Variants in TCF20 observed in about 807,000 individuals in gnomAD.
The protein encoded by TCF20 is SPRE-binding protein.
In TCF20, 3 loss-of-function variants were observed where a neutral mutation model predicts 148.6. The observed-to-expected ratio is 0.02, with a 90% CI of 0.01 to 0.05. TCF20 has a LOEUF of 0.05. Among genes scored for constraint, TCF20 ranks in the 10% least tolerant of loss-of-function variants. The probability of loss-of-function intolerance (pLI) is 1.00; values close to 1 mark genes in which losing one functional copy is unlikely to be tolerated. For synonymous variants in TCF20, 1,049 were observed against 909.5 expected, an observed-to-expected ratio of 1.15 and a Z score of -2.76; for missense variants, 2,350 against 2,429.3, an observed-to-expected ratio of 0.97 and a Z score of 0.69.
chr22:42,190,171 G>C (rs759217785), intron 2 of TCF20, among the ~76,000 whole-genome samples: 22 of 152,160 alleles, frequency 1.4e-4, no homozygotes, highest in Admixed American at 4.6e-4. Context: ...AAAATAACCT[G>C]AACAGGGCCA....
At chr22:42,189,051 G>C (rs1937197028) in intron 2 of TCF20, among the ~76,000 whole-genome samples, 1 of 152,154 alleles carries the variant, frequency 6.6e-6, no homozygotes, top group Non-Finnish European at 1.5e-5. Flanking sequence ...GGACAAGCAG[G>C]CAGGGTGTAG....
At chr22:42,325,438 C>T (rs1055811306) in intron 1 of TCF20, among the ~76,000 whole-genome samples, 3 of 152,250 alleles carry the variant, frequency 2.0e-5, no homozygotes, top group Non-Finnish European at 4.4e-5. Context: ...GCAAGACCAC[C>T]CTTTCCTGCC....
chr22:42,271,798 G>A (rs1194715110), upstream of TCF20, among the ~76,000 whole-genome samples: 2 of 152,210 alleles, frequency 1.3e-5, no homozygotes, highest in East Asian at 3.8e-4. Context: ...AGTTGGGATT[G>A]GAAAAGTGCT....
At chr22:42,177,700 G>C (rs1054361822) in intron 3 of TCF20, among the ~76,000 whole-genome samples, 2 of 152,236 alleles carry the variant, frequency 1.3e-5, no homozygotes, top group East Asian at 3.9e-4. Flanking sequence ...TGTATACAAC[G>C]TACTGTGATT....
At chr22:42,282,396 C>T (rs973648433) in intron 1 of TCF20, among the ~76,000 whole-genome samples, 3 of 152,252 alleles carry the variant, frequency 2.0e-5, no homozygotes, top group African/African-American at 4.8e-5. Flanking sequence ...AGGGCAGGCT[C>T]AAGCTCCCTT....
intron 3 of TCF20, among the ~76,000 whole-genome samples, chr22:42,173,118 G>C (rs112991199): frequency 0.056 from 7,514 of 134,176 alleles, 264 homozygotes; most frequent in Middle Eastern, 0.1. Context: ...TTTTTCATGA[G>C]AGTAGAAGAA....
At chr22:42,273,860 C>T (rs539715757), upstream of TCF20, 1 of 152,700 alleles carries the variant, frequency 6.5e-6, no homozygotes, top group Non-Finnish European at 1.5e-5. Flanking sequence ...GCCTGGGCCA[C>T]TCCAGGATTA....
At chr22:42,254,909 G>C (rs1311744347) in intron 1 of TCF20, among the ~76,000 whole-genome samples, 2 of 140,282 alleles carry the variant, frequency 1.4e-5, no homozygotes, top group African/African-American at 5.6e-5. Flanking sequence ...AGCTTGAGAA[G>C]AGATGGCACC....
chr22:42,194,274 G>T (rs988343925), intron 2 of TCF20, among the ~76,000 whole-genome samples: 4 of 152,212 alleles, frequency 2.6e-5, no homozygotes, highest in African/African-American at 7.2e-5. Context: ...GGTGGGAAGG[G>T]ATGAGGTAGG....
upstream of TCF20, among the ~76,000 whole-genome samples, chr22:42,284,715 G>A (rs1005724634): frequency 2.6e-5 from 4 of 152,204 alleles, no homozygotes; most frequent in Non-Finnish European, 5.9e-5. Flanking sequence ...CACAGCAAGA[G>A]GAGGCCTGGC....
At chr22:42,323,830 G>C (rs1927778823) in intron 1 of TCF20, among the ~76,000 whole-genome samples, 1 of 148,724 alleles carries the variant, frequency 6.7e-6, no homozygotes, top group Non-Finnish European at 1.5e-5. Context: ...TGTTGCGGTG[G>C]TCGCGGTGGT....
At position 42,270,439 on chromosome 22, in the gene TCF20, T is replaced by G. The variant is rs1926546284; in HGVS notation, c.-137A>C. Among the ~76,000 whole-genome samples, 2 of 131,022 alleles carry G rather than the reference T, an allele frequency of 1.5e-5. No homozygotes were observed. Among genetic ancestry groups the G allele is most frequent in the South Asian group, 2.7e-4 (1 of 3,746 alleles). The allele number at this position is 131,022 out of a possible 152,430, so 86.0% of individuals were successfully genotyped here. A position where few individuals can be genotyped will look rare whatever the true frequency, so the allele number is the denominator to read the frequency against. On this transcript the variant is annotated 5_prime_UTR_variant, in exon 1 of 6. Transcript: ENST00000677622. ...GCGCTGCGCGGGGTGGGGGTGGGGG[T>G]GGCTCCGCCGCCTCCAGCTCGGGCG...
intron 1 of TCF20, among the ~76,000 whole-genome samples, chr22:42,337,159 T>C (rs1253945947): frequency 6.6e-6 from 1 of 152,148 alleles, no homozygotes; most frequent in East Asian, 1.9e-4. Flanking sequence ...TGCTGCCTCA[T>C]GTCCAAGGCC....
chr22:42,282,987 C>A (rs1797872418), intron 1 of TCF20, among the ~76,000 whole-genome samples: 1 of 152,242 alleles, frequency 6.6e-6, no homozygotes, highest in Admixed American at 6.5e-5. Context: ...CCCGGGAAAC[C>A]ACTGGTGCCA....
At chr22:42,162,553 A>G (rs1450735244) in intron 5 of TCF20, among the ~76,000 whole-genome samples, 2 of 152,176 alleles carry the variant, frequency 1.3e-5, no homozygotes, top group Admixed American at 6.5e-5. Context: ...AAAGGTCTCA[A>G]AGACAAACAG....
rs569611814 is a variant in TCF20 at position 42,207,013 on chromosome 22, C to A, written c.5655+2638G>T. ...ATTCTGTGCACTGCAAGGAAGCAGA[C>A]AGTAATGATGAGTGCAGTGGAGGAG... On this transcript the variant is annotated intron_variant, in intron 2 of 5. Transcript: ENST00000677622. Among the ~76,000 whole-genome samples, 15 of 152,250 alleles carry A rather than the reference C, an allele frequency of 9.9e-5. No homozygotes were observed. The South Asian group carries it at 2.9e-3, about 29-fold the overall frequency.
chr22:42,324,133 G>GTGGTGGTGGTGGTGATGGAGGTTA (rs1927820608), intron 1 of TCF20, among the ~76,000 whole-genome samples: 1 of 145,658 alleles, frequency 6.9e-6, no homozygotes, highest in Non-Finnish European at 1.5e-5. Flanking sequence ...TATGGTGGTG[G>GTGGTGGTGGTGGTGATGGAGGTTA]TGGTGGTGGT....
In TCF20 at chr22:42,213,846, T is replaced by G. The variant is rs757213355; in HGVS notation, c.1460A>C (p.Lys487Thr). The G allele has an allele frequency of 6.2e-7, 1 of 1,614,074 alleles. No individual in the cohort carries two copies. Among genetic ancestry groups the G allele is most frequent in the African/African-American group, 1.3e-5 (1 of 74,922 alleles). Reference sequence around the variant, plus strand: ...TGCTTTCTTGGAAGATGAGGGCCTCTTGGAGGTCTTCTTCTGAGGAGTCAG... The same window carrying G: ...TGCTTTCTTGGAAGATGAGGGCCTCGTGGAGGTCTTCTTCTGAGGAGTCAG... The part of the protein sequence containing the change: ...DALTPQKKTS[K>T]RPSSSKKADS... The change falls in exon 2 of 6, where the codon AAG becomes ACG. Residue 487 changes from lysine to threonine, a missense_variant. Lys to Thr is a moderately conservative substitution (Grantham distance 78). This residue lies in a region of TCF20 where 1,641 missense variants were observed against 1,662.6 expected (regional missense o/e 0.99). Transcript: ENST00000677622.
At chr22:42,189,358 T>TA (rs1937212013) in intron 2 of TCF20, among the ~76,000 whole-genome samples, 2 of 152,196 alleles carry the variant, frequency 1.3e-5, no homozygotes, top group Non-Finnish European at 2.9e-5. Context: ...TCTGATGAGG[T>TA]GAGCACACAC....
Sources: allele counts gnomAD v4.1 joint callset (sites outside exome capture counted in the v4.1 genomes callset), GRCh38; gene constraint gnomAD v4.1.1; regional missense constraint gnomAD v4.1.1; transcripts MANE v1.5; gene names NCBI Gene and HGNC (gene_info 2026-07-23, HGNC 2026-07-21).